Variants in PCDH9 observed in about 807,000 individuals in gnomAD.
The protein encoded by PCDH9 is protocadherin-9.
In PCDH9, 24 loss-of-function variants were observed where a neutral mutation model predicts 70.6. The observed-to-expected ratio is 0.34, with a 90% CI of 0.25 to 0.48. The LOEUF is 0.48. Ranked by LOEUF, PCDH9 falls within the 20% of genes least tolerant of loss-of-function variation. The probability of loss-of-function intolerance (pLI) is 0.99; values close to 1 mark genes in which losing one functional copy is unlikely to be tolerated. For synonymous variants in PCDH9, 562 were observed against 558.5 expected (o/e 1.01, Z -0.09); for missense variants, 1,281 against 1,503.6 (o/e 0.85, Z 2.45).
chr13:66,763,257 G>A (rs1484259614), intron 3 of PCDH9, among the ~76,000 whole-genome samples: 1 of 151,768 alleles, frequency 6.6e-6, no homozygotes, highest in Non-Finnish European at 1.5e-5. Context: ...TATCAAAGTG[G>A]AAAATAAACG....
intron 4 of PCDH9, among the ~76,000 whole-genome samples, chr13:66,404,823 T>G (rs1223262981): frequency 6.6e-6 from 1 of 152,132 alleles, no homozygotes; most frequent in Non-Finnish European, 1.5e-5. Context: ...TCTATCACAT[T>G]AAGATATACT....
At chr13:66,576,196 T>A (rs181687375) in intron 4 of PCDH9, among the ~76,000 whole-genome samples, 6 of 152,204 alleles carry the variant, frequency 3.9e-5, no homozygotes, top group African/African-American at 1.4e-4. Context: ...ATAAACACTT[T>A]ATTTCTTTGA....
intron 2 of PCDH9, among the ~76,000 whole-genome samples, chr13:67,151,231 A>G (rs191694847): frequency 2.0e-5 from 3 of 152,248 alleles, no homozygotes; most frequent in Admixed American, 2.0e-4. Context: ...TCTCTGTACT[A>G]TCTTGAAATA....
Position 66,990,678 on chromosome 13 carries a change from T to C in PCDH9, c.3037-87073A>G, listed in dbSNP as rs572111473. Reference sequence around the variant, plus strand: ...ATATATAATTCAGTGACAAGCACAATTGATAGCAATTTCTCACTTCAAAAA... The same window carrying C: ...ATATATAATTCAGTGACAAGCACAACTGATAGCAATTTCTCACTTCAAAAA... On this transcript the variant is annotated intron_variant, in intron 2 of 4. Transcript: ENST00000377865. Among the ~76,000 whole-genome samples, 145 of 151,108 alleles carry C rather than the reference T, an allele frequency of 9.6e-4. 1 individual carries two copies. The highest frequency in any genetic ancestry group is 3.4e-3 in the African/African-American group (141 of 41,360).
chr13:66,376,783 C>T (rs777676215), intron 4 of PCDH9, among the ~76,000 whole-genome samples: 2 of 151,992 alleles, frequency 1.3e-5, no homozygotes, highest in Non-Finnish European at 2.9e-5. Flanking sequence ...AAAAGTAGAA[C>T]TTCATTAAGG....
At chr13:66,740,038 AT>A (rs1408935220) in intron 3 of PCDH9, among the ~76,000 whole-genome samples, 1 of 151,390 alleles carries the variant, frequency 6.6e-6, no homozygotes, top group Non-Finnish European at 1.5e-5. Context: ...CAGAATATAC[AT>A]TTTTTCAGCA....
intron 4 of PCDH9, among the ~76,000 whole-genome samples, chr13:66,588,215 C>A (rs2076989323): frequency 6.6e-6 from 1 of 151,446 alleles, no homozygotes; most frequent in East Asian, 1.9e-4. Flanking sequence ...GACGGAGATA[C>A]CCCCTGATGG....
chr13:66,711,501 T>G (rs1450577412), intron 3 of PCDH9, among the ~76,000 whole-genome samples: 6 of 151,940 alleles, frequency 3.9e-5, no homozygotes, highest in African/African-American at 1.4e-4. Flanking sequence ...GCAGTCTTAT[T>G]ATTGCACATC....
At chr13:67,040,856 A>T (rs2085100679) in intron 2 of PCDH9, among the ~76,000 whole-genome samples, 1 of 152,224 alleles carries the variant, frequency 6.6e-6, no homozygotes, top group African/African-American at 2.4e-5. Context: ...AAGTATTAAA[A>T]GTCATAAAAA....
intron 2 of PCDH9, among the ~76,000 whole-genome samples, chr13:67,083,918 C>T (rs1041335869): frequency 2.6e-5 from 4 of 152,070 alleles, no homozygotes; most frequent in African/African-American, 4.8e-5. Context: ...ATGTAGGACA[C>T]GGATTAAAAG....
intron 2 of PCDH9, among the ~76,000 whole-genome samples, chr13:66,916,580 G>T (rs905387469): frequency 4.6e-5 from 7 of 151,594 alleles, no homozygotes; most frequent in African/African-American, 1.2e-4. Context: ...CTAATAAAAT[G>T]TATGTGAATA....
chr13:66,894,999 G>A (rs1460447704), intron 3 of PCDH9, among the ~76,000 whole-genome samples: 2 of 151,834 alleles, frequency 1.3e-5, no homozygotes, highest in Non-Finnish European at 2.9e-5. Flanking sequence ...GTAGAGACAG[G>A]GTTTCACCAT....
chr13:66,452,531 G>T (rs1958235003), intron 4 of PCDH9, among the ~76,000 whole-genome samples: 1 of 151,956 alleles, frequency 6.6e-6, no homozygotes, highest in East Asian at 1.9e-4. Flanking sequence ...TACATGAATT[G>T]TCACATTCTT....
At chr13:66,906,806 T>G (rs1464804577) in intron 2 of PCDH9, among the ~76,000 whole-genome samples, 1 of 152,168 alleles carries the variant, frequency 6.6e-6, no homozygotes, top group Non-Finnish European at 1.5e-5. Context: ...ATACCCAAAC[T>G]TTTAAGAAAA....
intron 2 of PCDH9, among the ~76,000 whole-genome samples, chr13:66,979,485 C>T (rs1454005932): frequency 6.6e-6 from 1 of 152,036 alleles, no homozygotes; most frequent in Non-Finnish European, 1.5e-5. Flanking sequence ...TGATCTAGAG[C>T]CCATTCCCTT....
intron 2 of PCDH9, chr13:67,223,741 T>C (rs1236056369): frequency 1.3e-5 from 2 of 152,188 alleles, no homozygotes; most frequent in East Asian, 1.9e-4. Flanking sequence ...CTTTGACTTA[T>C]ATGTAATAAT....
chr13:66,792,185 C>T (rs2080174377), intron 3 of PCDH9, among the ~76,000 whole-genome samples: 1 of 152,022 alleles, frequency 6.6e-6, no homozygotes, highest in Admixed American at 6.6e-5. Context: ...AGATTTATTC[C>T]AGGATCACCT....
chr13:67,101,604 ACT>A (rs2086435969), intron 2 of PCDH9, among the ~76,000 whole-genome samples: 1 of 152,128 alleles, frequency 6.6e-6, no homozygotes, highest in African/African-American at 2.4e-5. Context: ...AAGTAGTGTA[ACT>A]CTAAAATATG....
chr13:66,455,880 T>C (rs1958308020), intron 4 of PCDH9, among the ~76,000 whole-genome samples: 1 of 152,112 alleles, frequency 6.6e-6, no homozygotes, highest in African/African-American at 2.4e-5. Flanking sequence ...AAAAAGACCA[T>C]GTTCAATATT....
Sources: allele counts gnomAD v4.1 joint callset (sites outside exome capture counted in the v4.1 genomes callset), GRCh38; gene constraint gnomAD v4.1.1; transcripts MANE v1.5; gene names NCBI Gene and HGNC (gene_info 2026-07-23, HGNC 2026-07-21).